PCCA: variants seen among roughly 807,000 people sequenced by gnomAD.
The protein encoded by PCCA is propionyl-CoA carboxylase alpha chain, mitochondrial.
A neutral mutation model predicts 101.3 loss-of-function variants in PCCA; 74 were observed. The observed-to-expected ratio is 0.73, with a 90% CI of 0.61 to 0.89. The LOEUF (loss-of-function observed/expected upper bound fraction) is 0.89. Ranked by LOEUF, PCCA falls within the 40% of genes least tolerant of loss-of-function variation. The pLI is 0.00. For synonymous variants in PCCA, 294 were observed against 313.6 expected, an observed-to-expected ratio of 0.94 and a Z score of 0.66; for missense variants, 891 against 907.0, an observed-to-expected ratio of 0.98 and a Z score of 0.23.
chr13:100,091,541 C>G (rs192139152), intron 1 of PCCA, among the ~76,000 whole-genome samples: 4 of 152,138 alleles, frequency 2.6e-5, no homozygotes, highest in African/African-American at 9.7e-5. Flanking sequence ...CTTCTCTCTG[C>G]GCTTCTCTTC....
rs1052850344 is a variant in PCCA at position 100,169,382 on chromosome 13, A to G, written c.468+12042A>G. 2.0e-5 allele frequency among the ~76,000 whole-genome samples: 3 copies of G among 150,538 alleles called. No homozygotes were observed. The South Asian group carries it at 6.4e-4, about 32-fold the overall frequency. On this transcript the variant is annotated intron_variant, in intron 6 of 23. Transcript: ENST00000376285. ...CTGGAACCCAGGAGGCAGAGGTTGC[A>G]GTGAGCTGAGATCGTGCCACTACAC...
intron 4 of PCCA, among the ~76,000 whole-genome samples, chr13:100,142,585 T>C (rs1453819894): frequency 6.6e-6 from 1 of 151,618 alleles, no homozygotes; most frequent in East Asian, 1.9e-4. Context: ...GTGATTCTCC[T>C]ACCTCAGCCT....
intron 19 of PCCA, among the ~76,000 whole-genome samples, chr13:100,402,279 A>G (rs1396377041): frequency 6.6e-6 from 1 of 151,942 alleles, no homozygotes; most frequent in East Asian, 1.9e-4. Flanking sequence ...TTAAAGAACC[A>G]TGTTGTCAGT....
chr13:100,200,147 C>T (rs2058380939), intron 6 of PCCA, among the ~76,000 whole-genome samples: 2 of 152,100 alleles, frequency 1.3e-5, no homozygotes, highest in African/African-American at 4.8e-5. Flanking sequence ...CTCTGTCACC[C>T]AGGCTGGAGT....
chr13:100,328,847 C>T (rs2069099453), intron 16 of PCCA, among the ~76,000 whole-genome samples: 1 of 151,714 alleles, frequency 6.6e-6, no homozygotes, highest in South Asian at 2.1e-4. Context: ...GTGCCTGCCA[C>T]CACGCCCAGC....
intron 22 of PCCA, among the ~76,000 whole-genome samples, chr13:100,521,964 A>G (rs2087336085): frequency 6.6e-6 from 1 of 152,140 alleles, no homozygotes; most frequent in African/African-American, 2.4e-5. Flanking sequence ...TTTTCCATAA[A>G]AATTCTTCCT....
At chr13:100,200,898 C>G (rs1040361756) in intron 6 of PCCA, among the ~76,000 whole-genome samples, 2 of 151,962 alleles carry the variant, frequency 1.3e-5, no homozygotes, top group African/African-American at 2.4e-5. Flanking sequence ...CATTACAATT[C>G]AAAATTGCAG....
At chr13:100,495,136 C>T (rs115644580) in intron 21 of PCCA, among the ~76,000 whole-genome samples, 7 of 151,752 alleles carry the variant, frequency 4.6e-5, no homozygotes, top group Non-Finnish European at 8.8e-5. Context: ...TGTGGAAGCC[C>T]GAGACCCCGC....
In PCCA at chr13:100,115,325, G is replaced by A. The variant is rs115119484; in HGVS notation, c.300+3264G>A. ...GATGATTAATGAGTACAAGAATATA[G>A]TTAGATGGAATAAATAAGATCTTGT... On this transcript the variant is annotated intron_variant, in intron 4 of 23. Coordinates refer to ENST00000376285, the MANE Select transcript of PCCA (RefSeq NM_000282.4). Among the ~76,000 whole-genome samples, 1,106 of 152,198 alleles carry A rather than the reference G, an allele frequency of 7.3e-3. 17 individuals carry two copies. The highest frequency in any genetic ancestry group is 0.017 in the African/African-American group (717 of 41,534).
chr13:100,225,105 T>A (rs1441127242), intron 7 of PCCA, among the ~76,000 whole-genome samples: 4 of 152,216 alleles, frequency 2.6e-5, no homozygotes. Context: ...ATGGCAAAAC[T>A]TGAAGTTGGT....
intron 21 of PCCA, among the ~76,000 whole-genome samples, chr13:100,467,882 G>A (rs2390469): frequency 0.67 from 101,406 of 152,160 alleles, 35,684 homozygotes; most frequent in African/African-American, 0.89. Context: ...AGCATCTAGA[G>A]TGGTGAAGAA....
At chr13:100,352,321 A>T (rs1208692947) in intron 18 of PCCA, among the ~76,000 whole-genome samples, 4 of 152,190 alleles carry the variant, frequency 2.6e-5, no homozygotes, top group Non-Finnish European at 5.9e-5. Context: ...GATGGAAAAA[A>T]GTATCAGACA....
chr13:100,399,265 T>G (rs2077203750), intron 19 of PCCA, among the ~76,000 whole-genome samples: 1 of 152,168 alleles, frequency 6.6e-6, no homozygotes, highest in Non-Finnish European at 1.5e-5. Flanking sequence ...TATTTCATAT[T>G]ATTTGTAAAT....
chr13:100,277,548 A>G (rs1483588187), intron 12 of PCCA, among the ~76,000 whole-genome samples: 3 of 152,110 alleles, frequency 2.0e-5, no homozygotes, highest in African/African-American at 7.2e-5. Flanking sequence ...GAGGTACATT[A>G]TGCCTATAGA....
intron 21 of PCCA, among the ~76,000 whole-genome samples, chr13:100,452,555 G>C (rs926849910): frequency 3.3e-5 from 5 of 152,140 alleles, no homozygotes; most frequent in African/African-American, 1.2e-4. Context: ...TCTTTACTCA[G>C]TAGGCTCCTT....
chr13:100,159,054 G>A (rs2054163984), intron 6 of PCCA, among the ~76,000 whole-genome samples: 1 of 130,576 alleles, frequency 7.7e-6, no homozygotes, highest in Non-Finnish European at 1.6e-5. Flanking sequence ...TACAGTTTAT[G>A]CATTTTTTCA....
chr13:100,335,291 A>G (rs1282747872), intron 17 of PCCA, among the ~76,000 whole-genome samples: 1 of 151,988 alleles, frequency 6.6e-6, no homozygotes, highest in Non-Finnish European at 1.5e-5. Flanking sequence ...TTTTCCCCCT[A>G]CCCCCAAATC....
At chr13:100,144,835 T>A (rs2052337787) in intron 4 of PCCA, among the ~76,000 whole-genome samples, 1 of 152,158 alleles carries the variant, frequency 6.6e-6, no homozygotes. Context: ...ATGCTGGTCC[T>A]GGAAACAGTG....
intron 20 of PCCA, among the ~76,000 whole-genome samples, chr13:100,436,367 G>C (rs936673818): frequency 1.3e-5 from 2 of 152,210 alleles, no homozygotes; most frequent in Non-Finnish European, 2.9e-5. Flanking sequence ...CAACCATTCA[G>C]AGACTGGAGT....
Sources: gnomAD v4.1 joint callset for allele counts (sites outside exome capture counted in the v4.1 genomes callset) on GRCh38, gnomAD v4.1.1 for gene constraint, MANE v1.5 for transcripts, NCBI Gene and HGNC (gene_info 2026-07-23, HGNC 2026-07-21) for gene names.